Variants in ATRNL1 observed in about 807,000 individuals in gnomAD.
ATRNL1 encodes the protein attractin like 1.
ATRNL1 carries 95 observed loss-of-function variants against 182.7 expected under a neutral mutation model. That is an observed-to-expected ratio of 0.52 (90% CI 0.44 to 0.62). The LOEUF (loss-of-function observed/expected upper bound fraction) is 0.62, where lower values mean the gene tolerates loss of function less well. Ranked by LOEUF, ATRNL1 falls within the 20% of genes least tolerant of loss-of-function variation. The probability of loss-of-function intolerance (pLI) is 0.00; values close to 1 mark genes in which losing one functional copy is unlikely to be tolerated. For synonymous variants in ATRNL1, 576 were observed against 568.3 expected, an observed-to-expected ratio of 1.01 and a Z score of -0.19; for missense variants, 1,471 against 1,679.5, an observed-to-expected ratio of 0.88 and a Z score of 2.17.
At chr10:115,728,298 CAAAAAAAAAAAAAAA>C (rs58437496) in intron 27 of ATRNL1, among the ~76,000 whole-genome samples, 2 of 58,776 alleles carry the variant, frequency 3.4e-5, no homozygotes, top group African/African-American at 1.4e-4. Context: ...GACTCCGCCT[CAAAAAAAAAAAAAAA>C]AAAAAAAAAA....
At chr10:115,195,626 G>C (rs1168488330) in intron 8 of ATRNL1, among the ~76,000 whole-genome samples, 1 of 151,874 alleles carries the variant, frequency 6.6e-6, no homozygotes. Context: ...GGTATCTGTT[G>C]GTGTTTTATA....
chr10:115,922,229 CT>C (rs2134565532), intron 28 of ATRNL1, among the ~76,000 whole-genome samples: 1 of 152,218 alleles, frequency 6.6e-6, no homozygotes, highest in African/African-American at 2.4e-5. Context: ...TAATACTTGT[CT>C]TTTAGGAAAA....
At chr10:115,354,335 C>T (rs1044702471) in intron 19 of ATRNL1, among the ~76,000 whole-genome samples, 38 of 152,060 alleles carry the variant, frequency 2.5e-4, no homozygotes, top group African/African-American at 8.9e-4. Flanking sequence ...GATAAAATCT[C>T]TTCAGCATTT....
At chr10:115,727,199 A>T in intron 26 of ATRNL1, 49 bp from the exon 27 acceptor site, 1 of 1,331,760 alleles carries the variant, frequency 7.5e-7, no homozygotes, top group South Asian at 1.2e-5. Context: ...GTTGAATTTC[A>T]TGTGCTTTTA....
At chr10:115,155,542 C>A (rs915968567) in intron 5 of ATRNL1, among the ~76,000 whole-genome samples, 9 of 152,070 alleles carry the variant, frequency 5.9e-5, no homozygotes, top group Admixed American at 1.3e-4. Flanking sequence ...GGTTTCACAG[C>A]TAGTAAGTAG....
intron 19 of ATRNL1, among the ~76,000 whole-genome samples, chr10:115,344,589 T>C (rs11517121): frequency 1.3e-5 from 2 of 152,020 alleles, no homozygotes; most frequent in African/African-American, 4.8e-5. Context: ...AGTCCTAAAA[T>C]TGGGGATCCC....
At chr10:115,381,290 A>G (rs2485968) in intron 19 of ATRNL1, among the ~76,000 whole-genome samples, 103,444 of 151,532 alleles carry the variant, frequency 0.68, 36,072 homozygotes, top group Middle Eastern at 0.74. Context: ...TTTTTGAGAC[A>G]GAGTCTCACT....
At chr10:115,368,625 A>G (rs563163898) in intron 19 of ATRNL1, among the ~76,000 whole-genome samples, 4 of 152,162 alleles carry the variant, frequency 2.6e-5, no homozygotes, top group Non-Finnish European at 5.9e-5. Flanking sequence ...AACTTTGTAC[A>G]TTTTGACCAT....
At chr10:115,473,231 A>G (rs189631409) in intron 24 of ATRNL1, among the ~76,000 whole-genome samples, 8 of 151,242 alleles carry the variant, frequency 5.3e-5, no homozygotes, top group African/African-American at 1.9e-4. Context: ...TGTGCTGTTG[A>G]ATCAAATGTG....
At chr10:115,264,154 A>G (rs1851509680) in intron 10 of ATRNL1, among the ~76,000 whole-genome samples, 1 of 151,590 alleles carries the variant, frequency 6.6e-6, no homozygotes, top group Admixed American at 6.6e-5. Flanking sequence ...ACGTATGTAT[A>G]CATGTGCCAT....
At position 115,790,395 on chromosome 10, in the gene ATRNL1, C is replaced by T. The variant is rs1555081496; in HGVS notation, c.3904-57482C>T. Among the ~76,000 whole-genome samples the T allele has an allele frequency of 4.6e-5, 7 of 152,198 alleles. 1 individual carries two copies. On this transcript the variant is annotated intron_variant, in intron 27 of 28. Coordinates refer to ENST00000355044, the MANE Select transcript of ATRNL1 (RefSeq NM_207303.4). The stretch of plus-strand genomic sequence containing the variant: ...TGACCCTGAATAAATGGCAACCTCT[C>T]AGATATCAAAAGGCTCACGTACTAA...
At chr10:115,117,884 A>G (rs1844561620) in intron 1 of ATRNL1, among the ~76,000 whole-genome samples, 1 of 152,230 alleles carries the variant, frequency 6.6e-6, no homozygotes, top group South Asian at 2.1e-4. Context: ...TCTTTTGGAT[A>G]TAAGCCATTT....
intron 27 of ATRNL1, among the ~76,000 whole-genome samples, chr10:115,844,662 A>G (rs1378998617): frequency 6.6e-6 from 1 of 152,094 alleles, no homozygotes; most frequent in East Asian, 1.9e-4. Context: ...CTGTGGGCCT[A>G]ATACACAGGG....
chr10:115,552,733 TA>T (rs146828065), intron 26 of ATRNL1, among the ~76,000 whole-genome samples: 2 of 151,250 alleles, frequency 1.3e-5, no homozygotes, highest in South Asian at 2.1e-4. Flanking sequence ...AAACACACAT[TA>T]AAAAAATGAA....
chr10:115,539,153 G>A (rs1454483636), intron 25 of ATRNL1, among the ~76,000 whole-genome samples: 1 of 152,120 alleles, frequency 6.6e-6, no homozygotes, highest in Non-Finnish European at 1.5e-5. Context: ...TTTTTACATT[G>A]TACCTTTAGA....
intron 26 of ATRNL1, among the ~76,000 whole-genome samples, chr10:115,583,846 C>T (rs1414362985): frequency 1.3e-5 from 2 of 150,466 alleles, no homozygotes; most frequent in East Asian, 4.1e-4. Flanking sequence ...AAAGGGAATG[C>T]TTCCAGTTTT....
At chr10:115,847,086 A>G (rs1321529520) in intron 27 of ATRNL1, among the ~76,000 whole-genome samples, 3 of 152,082 alleles carry the variant, frequency 2.0e-5, no homozygotes, top group Non-Finnish European at 4.4e-5. Flanking sequence ...ATGGGTGATT[A>G]GTAAGTAGGT....
intron 13 of ATRNL1, among the ~76,000 whole-genome samples, chr10:115,269,486 C>T (rs968840263): frequency 2.0e-4 from 31 of 152,144 alleles, no homozygotes; most frequent in Middle Eastern, 3.4e-3. Flanking sequence ...AGGCAGGCAC[C>T]ACCATGCCTA....
At chr10:115,505,517 A>G (rs1850065758) in intron 24 of ATRNL1, among the ~76,000 whole-genome samples, 1 of 152,044 alleles carries the variant, frequency 6.6e-6, no homozygotes, top group African/African-American at 2.4e-5. Flanking sequence ...ACAAACAAAA[A>G]ACAGAAGTTC....
Sources: gnomAD v4.1 joint callset for allele counts (sites outside exome capture counted in the v4.1 genomes callset) on GRCh38, gnomAD v4.1.1 for gene constraint, MANE v1.5 for transcripts, NCBI Gene and HGNC (gene_info 2026-07-23, HGNC 2026-07-21) for gene names.